DNM1L: variants seen among roughly 807,000 people sequenced by gnomAD.
DNM1L encodes the protein dynamin-1-like protein.
In DNM1L, 33 loss-of-function variants were observed where a neutral mutation model predicts 92.8. The ratio of observed to expected loss-of-function variants is 0.36; its 90% CI spans 0.27 to 0.48. The LOEUF (loss-of-function observed/expected upper bound fraction) is 0.48, where lower values mean the gene tolerates loss of function less well. DNM1L is among the 20% of genes least tolerant of loss of function. The pLI is 0.99. For synonymous variants in DNM1L, 284 were observed against 305.0 expected (o/e 0.93, Z 0.72); for missense variants, 485 against 888.8 (o/e 0.55, Z 5.78).
rs183044831 is a variant in DNM1L at position 32,693,980 on chromosome 12, C to G, written c.103-7435C>G. The stretch of plus-strand genomic sequence containing the variant: ...ACTAATTTTAGAATATACCATCATT[C>G]TAGAAAGAAACCTGGTATCCATTAG... On this transcript the variant is annotated intron_variant, in intron 1 of 19. Transcript: ENST00000549701. Among the ~76,000 whole-genome samples, 341 of 152,116 alleles carry G rather than the reference C, an allele frequency of 2.2e-3. 4 individuals carry two copies. The highest frequency in any genetic ancestry group is 0.021 in the Middle Eastern group (6 of 292).
intron 8 of DNM1L, among the ~76,000 whole-genome samples, chr12:32,721,996 C>G (rs1338789572): frequency 6.6e-6 from 1 of 152,202 alleles, no homozygotes; most frequent in Non-Finnish European, 1.5e-5. Context: ...CGTGCCCTCT[C>G]TGGGCACACC....
At chr12:32,687,964 G>A (rs182981055) in intron 1 of DNM1L, among the ~76,000 whole-genome samples, 7 of 151,640 alleles carry the variant, frequency 4.6e-5, no homozygotes, top group African/African-American at 1.5e-4. Flanking sequence ...TTACTCTGTC[G>A]CCCAGGCTGG....
chr12:32,727,390 A>G, intron 9 of DNM1L: 2 of 771,800 alleles, frequency 2.6e-6, no homozygotes, highest in Admixed American at 1.7e-5. Context: ...AGAACTCCAA[A>G]TATCAGTGGC....
At chr12:32,698,398 C>T (rs1952559045) in intron 1 of DNM1L, among the ~76,000 whole-genome samples, 1 of 152,220 alleles carries the variant, frequency 6.6e-6, no homozygotes, top group Non-Finnish European at 1.5e-5. Flanking sequence ...CTGTGTCACT[C>T]TTAGTCCTCC....
intron 18 of DNM1L, among the ~76,000 whole-genome samples, chr12:32,742,032 A>T (rs1023170454): frequency 6.6e-6 from 1 of 152,120 alleles, no homozygotes; most frequent in African/African-American, 2.4e-5. Context: ...CTTCTTGGCT[A>T]TTATGAATAA....
intron 1 of DNM1L, among the ~76,000 whole-genome samples, chr12:32,697,807 T>TA (rs1218604793): frequency 1.3e-5 from 2 of 151,904 alleles, no homozygotes; most frequent in African/African-American, 2.4e-5. Flanking sequence ...TTAGCAATAT[T>TA]AAAAAAAATC....
chr12:32,686,931 TTTTTTC>T (rs1202832627), intron 1 of DNM1L, among the ~76,000 whole-genome samples: 69 of 125,408 alleles, frequency 5.5e-4, no homozygotes, highest in African/African-American at 2.1e-3. Context: ...AAGAGTTCTT[TTTTTTC>T]TTTTTTTTTT....
chr12:32,742,866 C>T (rs1592697422), intron 19 of DNM1L, 118 bp downstream of exon 19: 2 of 853,812 alleles, frequency 2.3e-6, no homozygotes, highest in South Asian at 1.6e-5. Context: ...AGGCTTGTTT[C>T]CTGTTGGTAC....
chr12:32,734,391 G>GT (rs1954741190), intron 13 of DNM1L, among the ~76,000 whole-genome samples: 1 of 152,132 alleles, frequency 6.6e-6, no homozygotes, highest in Non-Finnish European at 1.5e-5. Flanking sequence ...CCCTAATTCA[G>GT]TAAGACCTGA....
chr12:32,711,874 C>A lies in DNM1L; in HGVS notation c.456+859C>A, dbSNP rs192517552. Among the ~76,000 whole-genome samples the A allele has an allele frequency of 2.2e-3, 342 of 152,214 alleles. 4 individuals carry two copies. Among genetic ancestry groups the A allele is most frequent in the Middle Eastern group, 0.02 (6 of 294 alleles). On this transcript the variant is annotated intron_variant, in intron 5 of 19. Coordinates refer to ENST00000549701, the MANE Select transcript of DNM1L (RefSeq NM_012062.5). ...CTCCAACCTGGCCAACAGAGTGAGA[C>A]CCTGTCTCTAAATAAATAAATAAAT... is the stretch of plus-strand genomic sequence containing the variant.
chr12:32,679,504 G>T, intron 1 of DNM1L, 39 bp downstream of exon 1: 1 of 1,573,666 alleles, frequency 6.4e-7, no homozygotes, highest in Non-Finnish European at 8.7e-7. Context: ...GCCAGACCCC[G>T]GCCGCAGGCC....
rs979570767 is a variant in DNM1L at position 32,722,349 on chromosome 12, A to G, written c.873-78A>G. 11 of 1,145,402 alleles carry G rather than the reference A, an allele frequency of 9.6e-6. No homozygotes were observed. The African/African-American group carries it at 1.1e-4, about 11-fold the overall frequency. 71.0% of individuals were successfully genotyped at this position (1,145,402 alleles called of 1,614,324 possible). ...ACAAATTATTTGATAGGTTTTCCCC[A>G]TTGTAAAAATTTGACTTGTTTAGGG... is the stretch of plus-strand genomic sequence containing the variant. On this transcript the variant is annotated intron_variant, in intron 8 of 19. Coordinates refer to ENST00000549701, the MANE Select transcript of DNM1L (RefSeq NM_012062.5).
At position 32,743,553 on chromosome 12, in the gene DNM1L, T is replaced by C. The variant is rs1955463547; in HGVS notation, c.*143T>C. ...GAGACTGGCTATAAACTGAAAAGTG[T>C]ATTCCAAATTGCAGAACACATCACA... On this transcript the variant is annotated 3_prime_UTR_variant, in exon 20 of 20. Coordinates refer to ENST00000549701, the MANE Select transcript of DNM1L (RefSeq NM_012062.5). 1 of 752,014 alleles carries C rather than the reference T, an allele frequency of 1.3e-6. No individual in the cohort carries two copies. Among genetic ancestry groups the C allele is most frequent in the Admixed American group, 2.4e-5 (1 of 40,860 alleles). The allele number at this position is 752,014 out of a possible 1,614,324, so 46.6% of individuals were successfully genotyped here. A position where few individuals can be genotyped will look rare whatever the true frequency, so the allele number is the denominator to read the frequency against.
intron 12 of DNM1L, 28 bp from the exon 13 acceptor site, chr12:32,733,687 T>C: frequency 7.0e-6 from 11 of 1,575,292 alleles, no homozygotes; most frequent in African/African-American, 1.3e-5. Context: ...TGTATTTTTG[T>C]ATATCGCCTA....
chr12:32,701,347 T>C (rs1041462988), intron 1 of DNM1L, 68 bp from the exon 2 acceptor site: 3 of 1,334,980 alleles, frequency 2.2e-6, no homozygotes, highest in Admixed American at 1.8e-5. Context: ...TTTGTTAATA[T>C]AGTTTATTGA....
intron 1 of DNM1L, among the ~76,000 whole-genome samples, chr12:32,699,177 T>C (rs1306499062): frequency 6.6e-6 from 1 of 152,200 alleles, no homozygotes; most frequent in African/African-American, 2.4e-5. Context: ...AAAGTCTTTG[T>C]GTGTACATGT....
Position 32,730,151 on chromosome 12 carries a change from G to A in DNM1L, c.1080-863G>A, listed in dbSNP as rs557694279. The stretch of plus-strand genomic sequence containing the variant: ...GAGGCCGAGGTGGGCAGATCACGAG[G>A]TCAAGAGATCAAGACCATCCTGGCC... On this transcript the variant is annotated intron_variant, in intron 9 of 19. Transcript: ENST00000549701. Among the ~76,000 whole-genome samples, 3 of 151,494 alleles carry A rather than the reference G, an allele frequency of 2.0e-5. No individual in the cohort carries two copies. The South Asian group carries it at 6.3e-4, about 32-fold the overall frequency.
Position 32,743,391 on chromosome 12 carries a change from G to C in DNM1L, c.2192G>C (p.Arg731Pro). The C allele has an allele frequency of 6.2e-7, 1 of 1,613,824 alleles. No individual in the cohort carries two copies. The highest frequency in any genetic ancestry group is 8.5e-7 in the Non-Finnish European group (1 of 1,179,962). ...GCCAGTCAAATTATTGCTGAAATCC[G>C]GGAGACTCATCTTTGGTGAAGAGAA... is the stretch of plus-strand genomic sequence containing the variant. ...QGASQIIAEIRETHLW is the reference protein window; with the variant it reads ...QGASQIIAEIPETHLW The change falls in exon 20 of 20, where the codon CGG becomes CCG. Residue 731 changes from arginine to proline, a missense_variant. Physicochemically the swap from Arg to Pro is moderately radical, Grantham distance 103. Coordinates refer to ENST00000549701, the MANE Select transcript of DNM1L (RefSeq NM_012062.5).
chr12:32,692,399 T>C (rs967939867), intron 1 of DNM1L: 1 of 152,150 alleles, frequency 6.6e-6, no homozygotes, highest in African/African-American at 2.4e-5. Flanking sequence ...ACCCGTGAGG[T>C]AGATGATACT....
Sources: allele counts gnomAD v4.1 joint callset (sites outside exome capture counted in the v4.1 genomes callset), GRCh38; gene constraint gnomAD v4.1.1; transcripts MANE v1.5; gene names NCBI Gene and HGNC (gene_info 2026-07-23, HGNC 2026-07-21).